MGAT4C: variants seen among roughly 807,000 people sequenced by gnomAD.
MGAT4C encodes MGAT4 family member C, also known as alpha-1,3-mannosyl-glycoprotein 4-beta-N-acetylglucosaminyltransferase C.
A neutral mutation model predicts 40.1 loss-of-function variants in MGAT4C; 19 were observed. The observed-to-expected ratio is 0.47, with a 90% CI of 0.33 to 0.70. The LOEUF is 0.70. MGAT4C is among the 30% of genes least tolerant of loss of function. The pLI is 0.02. For synonymous variants in MGAT4C, 181 were observed against 187.1 expected, an observed-to-expected ratio of 0.97 and a Z score of 0.27; for missense variants, 491 against 563.2, an observed-to-expected ratio of 0.87 and a Z score of 1.30.
chr12:86,228,586 C>T (rs188984569), intron 1 of MGAT4C, among the ~76,000 whole-genome samples: 318 of 151,770 alleles, frequency 2.1e-3, no homozygotes, highest in African/African-American at 7.2e-3. Flanking sequence ...CAGAATTTTT[C>T]TGCACTCTAA....
chr12:86,492,150 T>G (rs1156485956), intron 2 of MGAT4C, among the ~76,000 whole-genome samples: 1 of 151,974 alleles, frequency 6.6e-6, no homozygotes, highest in African/African-American at 2.4e-5. Context: ...TAAAAGACTA[T>G]ACAAACAAAT....
chr12:86,490,322 T>A (rs1048556959), intron 2 of MGAT4C, among the ~76,000 whole-genome samples: 17 of 151,662 alleles, frequency 1.1e-4, no homozygotes, highest in Non-Finnish European at 2.2e-4. Flanking sequence ...CCAGGCAAAC[T>A]AAGCTTCATA....
chr12:86,497,163 G>T (rs115381712), intron 2 of MGAT4C, among the ~76,000 whole-genome samples: 1 of 151,882 alleles, frequency 6.6e-6, no homozygotes. Context: ...TTCAAAATGT[G>T]TACTTCCTTG....
chr12:86,190,416 G>C (rs1394854563), intron 1 of MGAT4C, among the ~76,000 whole-genome samples: 4 of 152,042 alleles, frequency 2.6e-5, no homozygotes, highest in Admixed American at 2.0e-4. Context: ...CAATATTCAA[G>C]TAACAATAAT....
At chr12:86,624,293 G>T (rs1357493319) in intron 2 of MGAT4C, among the ~76,000 whole-genome samples, 1 of 152,140 alleles carries the variant, frequency 6.6e-6, no homozygotes, top group African/African-American at 2.4e-5. Flanking sequence ...AGGGAGCATT[G>T]TGTGTACCCA....
intron 2 of MGAT4C, among the ~76,000 whole-genome samples, chr12:86,435,511 T>TA (rs941289678): frequency 2.0e-5 from 3 of 151,640 alleles, no homozygotes; most frequent in African/African-American, 7.2e-5. Flanking sequence ...GGTCTAAGAT[T>TA]AAAAAAAATA....
chr12:86,480,311 A>G (rs1957910821), intron 2 of MGAT4C, among the ~76,000 whole-genome samples: 1 of 151,712 alleles, frequency 6.6e-6, no homozygotes, highest in East Asian at 1.9e-4. Flanking sequence ...CTTTTAGGGC[A>G]ATTTGGTAAT....
intron 2 of MGAT4C, among the ~76,000 whole-genome samples, chr12:86,589,987 A>T (rs1961254241): frequency 6.6e-6 from 1 of 152,006 alleles, no homozygotes; most frequent in African/African-American, 2.4e-5. Flanking sequence ...ATTATTGTAG[A>T]GAACTTCTAG....
At chr12:86,425,580 C>A (rs1956910602) in intron 3 of MGAT4C, among the ~76,000 whole-genome samples, 1 of 152,106 alleles carries the variant, frequency 6.6e-6, no homozygotes, top group African/African-American at 2.4e-5. Context: ...AATGAAAAAA[C>A]AAATTACTAT....
At chr12:86,743,116 A>ATG (rs60215418) in intron 1 of MGAT4C, among the ~76,000 whole-genome samples, 29,372 of 144,398 alleles carry the variant, frequency 0.2, 2,878 homozygotes, top group East Asian at 0.31. Flanking sequence ...GTGTGTATGC[A>ATG]TGTGTGTGTG....
chr12:86,644,647 G>A lies in MGAT4C; in HGVS notation c.-229+82562C>T, dbSNP rs182394235. 1.3e-3 allele frequency among the ~76,000 whole-genome samples: 191 copies of A among 151,794 alleles called. 2 individuals are homozygous for A. Among genetic ancestry groups the A allele is most frequent in the Admixed American group, 2.6e-3 (40 of 15,178 alleles). On this transcript the variant is annotated intron_variant, in intron 2 of 7. Transcript: ENST00000548651. Reference sequence around the variant, plus strand: ...ATACAAGAAGCTTCATTGCATTGCTGTTTTAGCCCAAAGTCCATCAATTGT... The same window carrying A: ...ATACAAGAAGCTTCATTGCATTGCTATTTTAGCCCAAAGTCCATCAATTGT...
At chr12:86,523,657 C>T (rs754228553) in intron 2 of MGAT4C, among the ~76,000 whole-genome samples, 1 of 151,948 alleles carries the variant, frequency 6.6e-6, no homozygotes, top group Non-Finnish European at 1.5e-5. Flanking sequence ...TAATTTTTTG[C>T]CTCAATGATC....
At chr12:86,037,224 T>G (rs946700190) in intron 2 of MGAT4C, among the ~76,000 whole-genome samples, 1 of 150,068 alleles carries the variant, frequency 6.7e-6, no homozygotes, top group Admixed American at 6.7e-5. Flanking sequence ...ATTTCGTTGA[T>G]CTTTTCAAAA....
chr12:86,315,281 T>C (rs545054265), intron 4 of MGAT4C, among the ~76,000 whole-genome samples: 1 of 152,222 alleles, frequency 6.6e-6, no homozygotes, highest in African/African-American at 2.4e-5. Flanking sequence ...CCTGATTAAA[T>C]AAATGGTACT....
intron 2 of MGAT4C, among the ~76,000 whole-genome samples, chr12:86,020,105 G>T (rs527800017): frequency 6.6e-6 from 1 of 152,210 alleles, no homozygotes; most frequent in South Asian, 2.1e-4. Context: ...AGACGATGGG[G>T]TTTTCTAGAT....
At chr12:86,081,285 T>C (rs983468611) in intron 1 of MGAT4C, among the ~76,000 whole-genome samples, 7 of 152,182 alleles carry the variant, frequency 4.6e-5, no homozygotes, top group Non-Finnish European at 8.8e-5. Context: ...TTTATTGTCA[T>C]TGATTTGTTG....
In MGAT4C at chr12:86,811,459, A is replaced by G. The variant is rs1045590326; in HGVS notation, c.-262+27207T>C. ...CTACGTTAGGTAATTTTCCTGCCTC[A>G]GCCTCCAGAGTAGCTGGGATTACAG... is the stretch of plus-strand genomic sequence containing the variant. On this transcript the variant is annotated intron_variant, in intron 1 of 7. Coordinates refer to the MGAT4C transcript ENST00000548651. 2.4e-4 allele frequency among the ~76,000 whole-genome samples: 36 copies of G among 148,372 alleles called. 1 individual carries two copies. The highest frequency in any genetic ancestry group is 8.9e-4 in the African/African-American group (36 of 40,390).
In MGAT4C at chr12:86,729,396, A is replaced by C. The variant is rs1950874571; in HGVS notation, c.-261-2155T>G. 2.0e-5 allele frequency among the ~76,000 whole-genome samples: 3 copies of C among 152,040 alleles called. No homozygotes were observed. In the South Asian group the frequency reaches 6.2e-4, roughly 31 times the overall value. ...AAAAATTTTTAAAAAAAGGAAATAA[A>C]CTTTTATAACTAATAAAGCCAAACA... On this transcript the variant is annotated intron_variant, in intron 1 of 7. Transcript: ENST00000548651.
At chr12:86,324,038 TCTTTA>T (rs1954463308) in intron 4 of MGAT4C, among the ~76,000 whole-genome samples, 1 of 152,002 alleles carries the variant, frequency 6.6e-6, no homozygotes, top group Non-Finnish European at 1.5e-5. Flanking sequence ...TTTTATTTTT[TCTTTA>T]CATTGATTAC....
Sources: gnomAD v4.1 joint callset for allele counts (sites outside exome capture counted in the v4.1 genomes callset) on GRCh38, gnomAD v4.1.1 for gene constraint, MANE v1.5 for transcripts, NCBI Gene and HGNC (gene_info 2026-07-23, HGNC 2026-07-21) for gene names.